The following SCAI variants were observed in gnomAD, a reference collection of about 807,000 sequenced individuals.
The protein encoded by SCAI is protein SCAI.
In SCAI, 24 loss-of-function variants were observed where a neutral mutation model predicts 92.2. The ratio of observed to expected loss-of-function variants is 0.26; its 90% CI spans 0.19 to 0.37. The LOEUF (loss-of-function observed/expected upper bound fraction) is 0.37. Among genes scored for constraint, SCAI ranks in the 10% least tolerant of loss-of-function variants. The probability of loss-of-function intolerance (pLI) is 1.00; values close to 1 mark genes in which losing one functional copy is unlikely to be tolerated. For synonymous variants in SCAI, 261 were observed against 258.6 expected (o/e 1.01, Z -0.09); for missense variants, 450 against 736.2 (o/e 0.61, Z 4.50).
intron 2 of SCAI, among the ~76,000 whole-genome samples, chr9:125,061,702 G>C (rs1833771368): frequency 6.6e-6 from 1 of 152,112 alleles, no homozygotes; most frequent in African/African-American, 2.4e-5. Flanking sequence ...TGAGGTAGCA[G>C]TGAGCTATAA....
chr9:124,995,150 GA>G, intron 13 of SCAI, 135 bp from the exon 14 acceptor site: 21 of 567,206 alleles, frequency 3.7e-5, no homozygotes, highest in Admixed American at 6.7e-5. Context: ...AAGCAAAGGG[GA>G]AAAAAAGCCT....
chr9:124,991,752 G>T (rs1215821021), intron 14 of SCAI, among the ~76,000 whole-genome samples: 1 of 151,966 alleles, frequency 6.6e-6, no homozygotes, highest in Non-Finnish European at 1.5e-5. Context: ...CAGGAGAATC[G>T]CTTGAACCCA....
intron 2 of SCAI, among the ~76,000 whole-genome samples, chr9:125,106,277 A>T (rs1055221141): frequency 4.7e-5 from 7 of 149,942 alleles, no homozygotes; most frequent in African/African-American, 1.7e-4. Context: ...TGATAAAAAA[A>T]AAACACAAGC....
rs189627890 is a variant in SCAI, at chr9:125,015,111, C to G, written c.861+3688G>C. 9.8e-3 allele frequency among the ~76,000 whole-genome samples: 1,487 copies of G among 152,220 alleles called. 18 individuals carry two copies. Among genetic ancestry groups the G allele is most frequent in the African/African-American group, 0.034 (1,417 of 41,520 alleles). On this transcript the variant is annotated intron_variant, in intron 9 of 17. Transcript: ENST00000336505. The stretch of plus-strand genomic sequence containing the variant: ...AAAACCTAGGCATTACCATTCAGTA[C>G]GTAGGCATGGGCAAGGACTTCATGT...
chr9:125,077,764 G>A (rs752494079), intron 2 of SCAI, among the ~76,000 whole-genome samples: 9 of 152,140 alleles, frequency 5.9e-5, no homozygotes, highest in African/African-American at 9.6e-5. Context: ...TGTCGCCCAG[G>A]CCGGAGTTTA....
intron 3 of SCAI, among the ~76,000 whole-genome samples, chr9:125,048,899 C>A (rs969389964): frequency 6.6e-6 from 1 of 151,906 alleles, no homozygotes; most frequent in Non-Finnish European, 1.5e-5. Flanking sequence ...GCATGTGACA[C>A]CACGCCCGGC....
intron 13 of SCAI, among the ~76,000 whole-genome samples, chr9:124,996,398 C>T (rs1832240711): frequency 6.6e-6 from 1 of 152,112 alleles, no homozygotes; most frequent in East Asian, 1.9e-4. Flanking sequence ...ATCTCCCAGG[C>T]TCAAGTGATA....
intron 6 of SCAI, among the ~76,000 whole-genome samples, chr9:125,023,717 G>T (rs1232108952): frequency 6.6e-6 from 1 of 151,920 alleles, no homozygotes; most frequent in Non-Finnish European, 1.5e-5. Context: ...ACAAAAACAG[G>T]CCATGGGCCC....
intron 2 of SCAI, among the ~76,000 whole-genome samples, chr9:125,073,475 C>T (rs186530196): frequency 6.6e-5 from 10 of 152,300 alleles, no homozygotes; most frequent in Middle Eastern, 6.8e-3. Flanking sequence ...GTCCCACCAA[C>T]AATGCACAAG....
rs149355743 is a variant in SCAI at position 125,134,802 on chromosome 9, G to A, written c.98+7831C>T. Among the ~76,000 whole-genome samples the A allele has an allele frequency of 9.4e-3, 1,426 of 152,258 alleles. 21 individuals are homozygous for A. Among genetic ancestry groups the A allele is most frequent in the African/African-American group, 0.032 (1,343 of 41,534 alleles). Reference sequence around the variant, plus strand: ...AGCGATTCTCCTGCCTCAGCCTCCTGAGTAGCTGGGATTACAGGCATGCGC... The same window carrying A: ...AGCGATTCTCCTGCCTCAGCCTCCTAAGTAGCTGGGATTACAGGCATGCGC... On this transcript the variant is annotated intron_variant, in intron 2 of 17. Transcript: ENST00000336505.
chr9:125,097,966 T>C (rs2060794478), intron 2 of SCAI, among the ~76,000 whole-genome samples: 1 of 151,714 alleles, frequency 6.6e-6, no homozygotes, highest in African/African-American at 2.4e-5. Context: ...TATTCTTATA[T>C]GTATATAAAT....
At chr9:124,975,675 T>C (rs1831741179) in intron 15 of SCAI, among the ~76,000 whole-genome samples, 1 of 152,222 alleles carries the variant, frequency 6.6e-6, no homozygotes, top group Non-Finnish European at 1.5e-5. Flanking sequence ...TTGTGCCAGT[T>C]AGGTTATCCT....
chr9:125,026,826 G>C lies in SCAI; in HGVS notation c.498C>G (p.Val166=). ...CAGATACATACCTGTCCTCTTTATT[G>C]ACTTGAGAATAATATGATCTCTGTC... ...AIRQRSYYSQ[V]NKEDRPELVV... is the part of the protein sequence containing the mutation. The change falls in exon 6 of 18, where the codon GTC becomes GTG. Residue 166 remains valine, a synonymous_variant. Transcript: ENST00000336505. 1 of 1,556,220 alleles carries C rather than the reference G, an allele frequency of 6.4e-7. No individual in the cohort carries two copies. The highest frequency in any genetic ancestry group is 1.4e-5 in the African/African-American group (1 of 73,532).
At chr9:124,988,614 G>T (rs1040833313) in intron 14 of SCAI, among the ~76,000 whole-genome samples, 6 of 151,996 alleles carry the variant, frequency 3.9e-5, no homozygotes, top group African/African-American at 1.4e-4. Flanking sequence ...AAAAGGCTTA[G>T]AAGATAAAGA....
In SCAI at chr9:125,003,546, C is replaced by T; in HGVS notation, c.886G>A (p.Asp296Asn). The change falls in exon 10 of 18, where the codon GAC (aspartate) becomes AAC (asparagine). Residue 296 changes from aspartate to asparagine, a missense_variant. Asp to Asn is a conservative substitution (Grantham distance 23, BLOSUM62 1). Transcript: ENST00000336505. ...NQVKFSELTVDMFRMLQALER... is the reference protein window; with the variant it reads ...NQVKFSELTVNMFRMLQALER... The stretch of plus-strand genomic sequence containing the variant: ...AGAGCTTGTAACATCCGGAACATGT[C>T]AACAGTTAGTTCACTGAACTTAACC... The T allele has an allele frequency of 6.2e-7, 1 of 1,609,318 alleles. No homozygotes were observed. The highest frequency in any genetic ancestry group is 8.5e-7 in the Non-Finnish European group (1 of 1,176,058).
chr9:124,962,170 T>TTGG (rs1554774807), intron 17 of SCAI, among the ~76,000 whole-genome samples: 4 of 84,112 alleles, frequency 4.8e-5, no homozygotes, highest in East Asian at 3.5e-4. Flanking sequence ...TTTTTTTTTT[T>TTGG]GCGGGGGGGG....
intron 17 of SCAI, among the ~76,000 whole-genome samples, chr9:124,956,460 C>A (rs983708098): frequency 6.6e-6 from 1 of 152,160 alleles, no homozygotes; most frequent in Admixed American, 6.5e-5. Context: ...CTCAGGTGAT[C>A]TGCCCACCTC....
At chr9:125,113,680 T>TG (rs1227232289) in intron 2 of SCAI, among the ~76,000 whole-genome samples, 2 of 150,916 alleles carry the variant, frequency 1.3e-5, no homozygotes, top group African/African-American at 4.9e-5. Flanking sequence ...TTTTTTTTTT[T>TG]GGCTGGGCAC....
chr9:125,001,053 T>C (rs566186454), intron 12 of SCAI, among the ~76,000 whole-genome samples: 41 of 152,320 alleles, frequency 2.7e-4, no homozygotes, highest in Admixed American at 4.6e-4. Context: ...CAGATAATTA[T>C]AAATAAAAGT....
Sources: allele counts gnomAD v4.1 joint callset (sites outside exome capture counted in the v4.1 genomes callset), GRCh38; gene constraint gnomAD v4.1.1; transcripts MANE v1.5; gene names NCBI Gene and HGNC (gene_info 2026-07-23, HGNC 2026-07-21).